PTPRC: variants seen among roughly 807,000 people sequenced by gnomAD.
PTPRC encodes the protein protein tyrosine phosphatase receptor type C, also known as receptor-type tyrosine-protein phosphatase C.
Under a neutral mutation model 155.9 loss-of-function variants are expected in PTPRC, and 44 were observed. That is an observed-to-expected ratio of 0.28 (90% CI 0.22 to 0.36). The LOEUF (loss-of-function observed/expected upper bound fraction) is 0.36, where lower values mean the gene tolerates loss of function less well. Among genes scored for constraint, PTPRC ranks in the 10% least tolerant of loss-of-function variants. PTPRC has a pLI of 1.00. For missense variants in PTPRC, 1,401 were observed against 1,564.6 expected, an observed-to-expected ratio of 0.90 and a Z score of 1.76; for synonymous variants, 525 against 533.1, an observed-to-expected ratio of 0.98 and a Z score of 0.21.
At chr1:198,750,358 G>A (rs1430269096) in intron 28 of PTPRC, 134 bp from the exon 29 acceptor site, 5 of 932,616 alleles carry the variant, frequency 5.4e-6, no homozygotes, top group Non-Finnish European at 8.6e-6. Context: ...TTTCTTGTAA[G>A]AAACATAAGA....
chr1:198,656,367 T>C (rs1316710700), intron 2 of PTPRC, among the ~76,000 whole-genome samples: 2 of 152,140 alleles, frequency 1.3e-5, no homozygotes, highest in African/African-American at 4.8e-5. Context: ...CATTTCACAG[T>C]GAAAAGGGTC....
chr1:198,735,240 G>C lies in PTPRC; in HGVS notation c.2391G>C (p.Leu797Phe). ...GTCCAGATTACATCATTCAGAAATT[G>C]AACATTGTAAATGTGAGTTTGCTTT... ...KRCPDYIIQKLNIVNKKEKAT... is the reference protein window; with the variant it reads ...KRCPDYIIQKFNIVNKKEKAT... The change falls in exon 23 of 33, where the codon TTG becomes TTC. Residue 797 changes from leucine to phenylalanine, a missense_variant. By Grantham distance (22) the Leu-to-Phe change is conservative (BLOSUM62 0). Around this residue, in one of 3 missense-constraint regions of PTPRC, gnomAD observed 867 missense variants for 970.4 expected, o/e 0.89. Coordinates refer to ENST00000442510, the MANE Select transcript of PTPRC (RefSeq NM_002838.5). The C allele has an allele frequency of 6.2e-7, 1 of 1,600,516 alleles. No homozygotes were observed. The highest frequency in any genetic ancestry group is 2.3e-5 in the East Asian group (1 of 44,384).
intron 15 of PTPRC, among the ~76,000 whole-genome samples, chr1:198,723,511 A>G (rs1475291477): frequency 2.0e-5 from 3 of 152,236 alleles, no homozygotes; most frequent in African/African-American, 7.2e-5. Context: ...ATGTCAAAAA[A>G]GTCCAGCAAG....
intron 15 of PTPRC, among the ~76,000 whole-genome samples, chr1:198,727,136 C>G (rs1418856381): frequency 2.0e-5 from 3 of 152,132 alleles, no homozygotes; most frequent in Non-Finnish European, 4.4e-5. Flanking sequence ...GCTGGGGTTA[C>G]AGGGGTAAGC....
intron 2 of PTPRC, among the ~76,000 whole-genome samples, chr1:198,687,674 G>T (rs1438186638): frequency 6.6e-6 from 1 of 151,880 alleles, no homozygotes; most frequent in Non-Finnish European, 1.5e-5. Flanking sequence ...TTTTATATAG[G>T]TCACATTTAG....
intron 14 of PTPRC, among the ~76,000 whole-genome samples, chr1:198,721,489 A>T (rs924436675): frequency 6.6e-6 from 1 of 152,146 alleles, no homozygotes; most frequent in Non-Finnish European, 1.5e-5. Flanking sequence ...GTAATCAATG[A>T]TTCTTAAAGT....
intron 3 of PTPRC, among the ~76,000 whole-genome samples, chr1:198,693,392 C>T (rs969504086): frequency 1.3e-5 from 2 of 152,168 alleles, no homozygotes; most frequent in African/African-American, 4.8e-5. Flanking sequence ...GCCAGCTACT[C>T]AAATGCAACT....
At chr1:198,642,661 A>G (rs547599199) in intron 2 of PTPRC, among the ~76,000 whole-genome samples, 5 of 152,072 alleles carry the variant, frequency 3.3e-5, no homozygotes, top group East Asian at 1.9e-4. Context: ...CATCATCTTA[A>G]TTCATGGCTT....
intron 10 of PTPRC, among the ~76,000 whole-genome samples, 166 bp from the exon 11 acceptor site, chr1:198,709,521 T>C (rs1653173981): frequency 6.6e-6 from 1 of 152,148 alleles, no homozygotes; most frequent in Admixed American, 6.5e-5. Flanking sequence ...TTCATAAAAG[T>C]TGAATGTAAA....
intron 7 of PTPRC, 85 bp downstream of exon 7, chr1:198,703,457 T>C: frequency 1.2e-6 from 2 of 1,600,100 alleles, no homozygotes; most frequent in Non-Finnish European, 1.7e-6. Context: ...CCACTCTACC[T>C]CGGGCTCCTT....
chr1:198,751,272 T>C (rs1655370127), intron 29 of PTPRC, among the ~76,000 whole-genome samples: 1 of 151,940 alleles, frequency 6.6e-6, no homozygotes, highest in South Asian at 2.1e-4. Flanking sequence ...TATAATTTGA[T>C]TTTTTTACTT....
Position 198,716,788 on chromosome 1 carries a change from A to T in PTPRC, c.1398A>T (p.Lys466Asn). 1 of 1,613,644 alleles carries T rather than the reference A, an allele frequency of 6.2e-7. No homozygotes were observed. Among genetic ancestry groups the T allele is most frequent in the Non-Finnish European group, 8.5e-7 (1 of 1,179,918 alleles). Residue 466 changes from lysine to asparagine, a missense_variant, in exon 13 of 33, where the codon AAA becomes AAT. Lys to Asn is a moderately conservative substitution (Grantham distance 94, BLOSUM62 0). Coordinates refer to ENST00000442510, the MANE Select transcript of PTPRC (RefSeq NM_002838.5). ...VLSLHAYIIA[K>N]VQRNGSAAMC... Reference sequence around the variant, plus strand: ...CATTACATGCCTACATCATTGCAAAAGTGCAACGTAATGGAAGTGCTGCAA... The same window carrying T: ...CATTACATGCCTACATCATTGCAAATGTGCAACGTAATGGAAGTGCTGCAA...
intron 26 of PTPRC, among the ~76,000 whole-genome samples, chr1:198,747,465 A>G (rs1655185399): frequency 6.6e-6 from 1 of 151,820 alleles, no homozygotes; most frequent in African/African-American, 2.4e-5. Context: ...CATCTTCAGA[A>G]GAGCATCTTC....
At chr1:198,752,871 A>C in intron 31 of PTPRC, 99 bp downstream of exon 31, 1 of 1,342,352 alleles carries the variant, frequency 7.4e-7, no homozygotes, top group Admixed American at 1.9e-5. Context: ...TGAAACACAT[A>C]ACCACAGTAA....
At chr1:198,725,962 C>A (rs1027759288) in intron 15 of PTPRC, among the ~76,000 whole-genome samples, 1 of 152,114 alleles carries the variant, frequency 6.6e-6, no homozygotes, top group Non-Finnish European at 1.5e-5. Flanking sequence ...AAATCTATGG[C>A]ATTTTCAGTT....
intron 2 of PTPRC, among the ~76,000 whole-genome samples, chr1:198,653,767 A>C (rs1345001291): frequency 6.6e-6 from 1 of 151,928 alleles, no homozygotes; most frequent in Non-Finnish European, 1.5e-5. Context: ...TTTGTGGAAA[A>C]GGAAATTATG....
intron 2 of PTPRC, among the ~76,000 whole-genome samples, chr1:198,689,137 CCTT>C (rs1326917151): frequency 6.6e-6 from 1 of 151,900 alleles, no homozygotes; most frequent in Non-Finnish European, 1.5e-5. Flanking sequence ...TACCTCTTGT[CCTT>C]CTTTTCAGAA....
At chr1:198,692,490 T>C in intron 3 of PTPRC, 117 bp downstream of exon 3, 1 of 1,133,352 alleles carries the variant, frequency 8.8e-7, no homozygotes, top group Non-Finnish European at 1.1e-6. Context: ...AATTTTATAA[T>C]CATGAGTGAT....
chr1:198,756,342 T>C lies in PTPRC; in HGVS notation c.*161T>C, dbSNP rs1438036639. The C allele has an allele frequency of 9.1e-6, 9 of 984,520 alleles. No individual in the cohort carries two copies. The highest frequency in any genetic ancestry group is 2.9e-4 in the Middle Eastern group (1 of 3,446). 61.0% of individuals were successfully genotyped at this position (984,520 alleles called of 1,614,324 possible). The stretch of plus-strand genomic sequence containing the variant: ...TACTACTGTGGAAAAATATTTAAGA[T>C]AGTTTTGCCAGAACAGTTTGTACAG... On this transcript the variant is annotated 3_prime_UTR_variant, in exon 33 of 33. Transcript: ENST00000442510.
Sources: gnomAD v4.1 joint callset for allele counts (sites outside exome capture counted in the v4.1 genomes callset) on GRCh38, gnomAD v4.1.1 for gene constraint, gnomAD v4.1.1 regional missense constraint, MANE v1.5 for transcripts, NCBI Gene and HGNC (gene_info 2026-07-23, HGNC 2026-07-21) for gene names.